Variants in RNF220 observed in about 807,000 individuals in gnomAD.
RNF220 encodes the protein E3 ubiquitin-protein ligase RNF220.
RNF220 carries 7 observed loss-of-function variants against 67.1 expected under a neutral mutation model. That is an observed-to-expected ratio of 0.10 (90% CI 0.06 to 0.20). The LOEUF (loss-of-function observed/expected upper bound fraction) is 0.20, where lower values mean the gene tolerates loss of function less well. Among genes scored for constraint, RNF220 ranks in the 10% least tolerant of loss-of-function variants. The pLI, the probability that RNF220 is intolerant of heterozygous loss-of-function variation, is 1.00. For synonymous variants in RNF220, 270 were observed against 283.2 expected, an observed-to-expected ratio of 0.95 and a Z score of 0.47; for missense variants, 565 against 740.3, an observed-to-expected ratio of 0.76 and a Z score of 2.75.
intron 2 of RNF220, among the ~76,000 whole-genome samples, chr1:44,548,988 ACCAGC>A (rs1460975767): frequency 1.3e-5 from 2 of 152,164 alleles, no homozygotes; most frequent in Non-Finnish European, 2.9e-5. Context: ...TCAGTTCCAG[ACCAGC>A]CTGGGCAATG....
At chr1:44,477,859 T>G (rs915129173) in intron 2 of RNF220, among the ~76,000 whole-genome samples, 1 of 152,228 alleles carries the variant, frequency 6.6e-6, no homozygotes, top group Non-Finnish European at 1.5e-5. Context: ...ATGGAGGTAG[T>G]TGGGGAGTAA....
At chr1:44,531,901 T>C (rs931853121) in intron 2 of RNF220, among the ~76,000 whole-genome samples, 4 of 152,220 alleles carry the variant, frequency 2.6e-5, no homozygotes, top group Admixed American at 2.6e-4. Flanking sequence ...TGTTCTTGGT[T>C]TGGCTCATAG....
chr1:44,524,312 T>C (rs1191747349), intron 2 of RNF220, among the ~76,000 whole-genome samples: 1 of 151,918 alleles, frequency 6.6e-6, no homozygotes, highest in Non-Finnish European at 1.5e-5. Flanking sequence ...CTCGGGTAGG[T>C]GGGGGCAGGG....
intron 2 of RNF220, among the ~76,000 whole-genome samples, chr1:44,512,649 CA>C (rs1425447204): frequency 2.6e-5 from 4 of 152,164 alleles, no homozygotes; most frequent in Non-Finnish European, 5.9e-5. Context: ...TCCAGATTGC[CA>C]GCTAATGAGG....
rs574247660 is a variant in RNF220, at chr1:44,640,686, C to T, written c.1127-4012C>T. On this transcript the variant is annotated intron_variant, in intron 8 of 14. Transcript: ENST00000361799. ...CTGGATAATTGCATTGTCAACTGTT[C>T]AGCGAGGTGGCAGGTGACACTGCAG... Among the ~76,000 whole-genome samples the T allele has an allele frequency of 2.4e-4, 36 of 152,350 alleles. No individual in the cohort carries two copies. The South Asian group carries it at 7.5e-3, about 32-fold the overall frequency.
intron 3 of RNF220, among the ~76,000 whole-genome samples, chr1:44,616,537 T>C (rs1266948275): frequency 6.6e-6 from 1 of 152,078 alleles, no homozygotes; most frequent in East Asian, 1.9e-4. Flanking sequence ...GAAGATAAGA[T>C]TCAAACCTAA....
intron 2 of RNF220, among the ~76,000 whole-genome samples, chr1:44,422,349 C>T (rs1270225538): frequency 6.6e-6 from 1 of 152,084 alleles, no homozygotes; most frequent in African/African-American, 2.4e-5. Flanking sequence ...AAAAAAAATC[C>T]TTAGAACAAC....
chr1:44,604,449 G>C (rs1008288695), intron 2 of RNF220, among the ~76,000 whole-genome samples: 2 of 152,260 alleles, frequency 1.3e-5, no homozygotes, highest in African/African-American at 4.8e-5. Flanking sequence ...CTGTAGTTAT[G>C]TTTGAAATAG....
At chr1:44,646,396 A>T (rs1425845058) in intron 12 of RNF220, among the ~76,000 whole-genome samples, 1 of 152,250 alleles carries the variant, frequency 6.6e-6, no homozygotes. Flanking sequence ...TGCTGCTGGC[A>T]TGATGTATGG....
chr1:44,503,775 A>G (rs1658151654), intron 2 of RNF220, among the ~76,000 whole-genome samples: 2 of 152,212 alleles, frequency 1.3e-5, no homozygotes, highest in Admixed American at 1.3e-4. Flanking sequence ...CTGGGAATTT[A>G]GAAATGCAAA....
intron 2 of RNF220, among the ~76,000 whole-genome samples, chr1:44,522,413 G>C (rs1660009900): frequency 6.6e-6 from 1 of 152,198 alleles, no homozygotes; most frequent in African/African-American, 2.4e-5. Context: ...ATAAATGTGA[G>C]GCCCCATACC....
At position 44,650,696 on chromosome 1, in the gene RNF220, C is replaced by T. The variant is rs201430337; in HGVS notation, c.1630-8C>T. Reference sequence around the variant, plus strand: ...TGTAGACCAGAGCCCTCCCTGTTCTCCCTGCAGGGTGCCAAGAAGCTCTGC... The same window carrying T: ...TGTAGACCAGAGCCCTCCCTGTTCTTCCTGCAGGGTGCCAAGAAGCTCTGC... On this transcript the variant is annotated splice_polypyrimidine_tract_variant and splice_region_variant and intron_variant, in intron 14 of 14. Transcript: ENST00000361799. This position sits in a 1 kb window ranked among gnomAD's most constrained non-coding sequence, Gnocchi z 4.3. The T allele has an allele frequency of 3.2e-5, 52 of 1,613,764 alleles. No individual in the cohort carries two copies. The highest frequency in any genetic ancestry group is 5.0e-5 in the Admixed American group (3 of 60,004).
At chr1:44,553,375 TG>T (rs1662823552) in intron 2 of RNF220, among the ~76,000 whole-genome samples, 2 of 1,586 alleles carry the variant, frequency 1.3e-3, no homozygotes, top group African/African-American at 3.6e-3. Flanking sequence ...AGTATAAGAA[TG>T]AATGAATGAA....
chr1:44,522,815 C>T (rs962754343), intron 2 of RNF220, among the ~76,000 whole-genome samples: 1 of 152,208 alleles, frequency 6.6e-6, no homozygotes, highest in Non-Finnish European at 1.5e-5. Context: ...GCCCTGCCCT[C>T]CTGGAGCTGG....
At chr1:44,527,269 C>T (rs1660450469) in intron 2 of RNF220, among the ~76,000 whole-genome samples, 1 of 151,994 alleles carries the variant, frequency 6.6e-6, no homozygotes, top group Admixed American at 6.6e-5. Context: ...TTAAATGATC[C>T]ATCAGCACCA....
chr1:44,628,411 A>G (rs1020681612), intron 5 of RNF220, among the ~76,000 whole-genome samples: 158 of 152,326 alleles, frequency 1.0e-3, no homozygotes, highest in African/African-American at 3.6e-3. Context: ...GCACACACAC[A>G]TGCAGTGTTA....
chr1:44,525,330 A>C (rs1370150740), intron 2 of RNF220, among the ~76,000 whole-genome samples: 1 of 152,224 alleles, frequency 6.6e-6, no homozygotes, highest in Non-Finnish European at 1.5e-5. Context: ...GCTGGTGTGC[A>C]TTCCTGTGGA....
chr1:44,498,300 A>T (rs1657527686), intron 2 of RNF220, among the ~76,000 whole-genome samples: 1 of 152,126 alleles, frequency 6.6e-6, no homozygotes, highest in Non-Finnish European at 1.5e-5. Context: ...CAGCACACAC[A>T]GCCTCACCAC....
Position 44,435,304 on chromosome 1 carries a change from C to A in RNF220, c.625+22582C>A, listed in dbSNP as rs116608728. 5.7e-3 allele frequency among the ~76,000 whole-genome samples: 867 copies of A among 152,256 alleles called. 4 individuals carry two copies. Among genetic ancestry groups the A allele is most frequent in the Non-Finnish European group, 6.1e-3 (414 of 68,014 alleles). On this transcript the variant is annotated intron_variant, in intron 2 of 14. Coordinates refer to ENST00000361799, the MANE Select transcript of RNF220 (RefSeq NM_018150.4). ...TGCTTTGGGGCAAGTAATTTAAACT[C>A]CCAGAGCTTGGGGCTTCCATGTCTG...
Sources: allele counts gnomAD v4.1 joint callset (sites outside exome capture counted in the v4.1 genomes callset), GRCh38; gene constraint gnomAD v4.1.1; non-coding constraint Gnocchi (gnomAD v3.1); transcripts MANE v1.5; gene names NCBI Gene and HGNC (gene_info 2026-07-23, HGNC 2026-07-21).